Variants in RGS12 observed in about 807,000 individuals in gnomAD.
RGS12 encodes regulator of G protein signaling 12, also known as regulator of G-protein signaling 12.
Under a neutral mutation model 120.1 loss-of-function variants are expected in RGS12, and 66 were observed. The observed-to-expected ratio is 0.55, with a 90% CI of 0.45 to 0.67. The LOEUF is 0.67. Among genes scored for constraint, RGS12 ranks in the 30% least tolerant of loss-of-function variants. The pLI, the probability that RGS12 is intolerant of heterozygous loss-of-function variation, is 0.00. For missense variants in RGS12, 1,859 were observed against 1,957.7 expected (o/e 0.95, Z 0.95); for synonymous variants, 827 against 804.7 (o/e 1.03, Z -0.47).
At chr4:3,314,171 T>C (rs1724585118) in intron 1 of RGS12, 1 of 152,034 alleles carries the variant, frequency 6.6e-6, no homozygotes, top group Non-Finnish European at 1.5e-5. Context: ...TTTACTCTTT[T>C]CCATCAAAAC....
At chr4:3,338,995 T>A (rs1463191420) in intron 2 of RGS12, among the ~76,000 whole-genome samples, 1 of 152,228 alleles carries the variant, frequency 6.6e-6, no homozygotes, top group Non-Finnish European at 1.5e-5. Context: ...CATCTGTTAC[T>A]GGCCCTCGTT....
At chr4:3,286,634 C>A in the RGS12 span, among the ~76,000 whole-genome samples, 1 of 152,182 alleles carries the variant, frequency 6.6e-6, no homozygotes, top group African/African-American at 2.4e-5. Flanking sequence ...CAGGTGGATG[C>A]AGGGCGAGGG....
At chr4:3,325,054 T>C (rs1004405106) in intron 2 of RGS12, among the ~76,000 whole-genome samples, 1 of 152,086 alleles carries the variant, frequency 6.6e-6, no homozygotes, top group East Asian at 1.9e-4. Flanking sequence ...AAACTAGTTA[T>C]AAAAAAATCT....
chr4:3,288,213 T>G (rs1036558447), upstream of RGS12, among the ~76,000 whole-genome samples: 1 of 149,926 alleles, frequency 6.7e-6, no homozygotes, highest in Non-Finnish European at 1.5e-5. The surrounding 1 kb of genome is among the most constrained non-coding windows in gnomAD (Gnocchi z 5.2). Flanking sequence ...TGGGGTCTGG[T>G]GGGCGTGTGG....
At chr4:3,345,642 C>T (rs1713718898) in intron 3 of RGS12, among the ~76,000 whole-genome samples, 1 of 152,304 alleles carries the variant, frequency 6.6e-6, no homozygotes, top group East Asian at 1.9e-4. Flanking sequence ...CTGTTAAGTA[C>T]GGTTTTGTCT....
At chr4:3,359,826 T>C (rs1449938569) in intron 3 of RGS12, among the ~76,000 whole-genome samples, 2 of 152,060 alleles carry the variant, frequency 1.3e-5, no homozygotes, top group African/African-American at 2.4e-5. Flanking sequence ...TTTCGCCATG[T>C]TGGCCAGGCT....
At chr4:3,315,006 G>A (rs1449207226) in intron 1 of RGS12, 2 of 152,250 alleles carry the variant, frequency 1.3e-5, no homozygotes, top group Admixed American at 6.5e-5. Flanking sequence ...CACGAAGCAG[G>A]CAGAGGGTGC....
chr4:3,310,599 G>A (rs1319585133), intron 1 of RGS12, among the ~76,000 whole-genome samples: 1 of 152,176 alleles, frequency 6.6e-6, no homozygotes, highest in Non-Finnish European at 1.5e-5. Context: ...GGTGAATGAT[G>A]GGAGGTGGCT....
chr4:3,370,252 G>T, intron 3 of RGS12: 1 of 1,613,586 alleles, frequency 6.2e-7, no homozygotes, highest in Non-Finnish European at 8.5e-7. Flanking sequence ...TGCCTAGTGT[G>T]GCTCGGTGCC....
rs373370018 is a variant in RGS12 at position 3,390,437 on chromosome 4, C to T, written c.2020+4000C>T. On this transcript the variant is annotated intron_variant, in intron 4 of 17. Coordinates refer to ENST00000336727, the MANE Select transcript of RGS12 (RefSeq NM_001394154.1). This position sits in a 1 kb window ranked among gnomAD's most constrained non-coding sequence, Gnocchi z 4.6. ...GCAGACATCAGCCAGAGCGTCAGGG[C>T]GAGGCTTGGGCGGGGACAGTGGCTT... Among the ~76,000 whole-genome samples the T allele has an allele frequency of 6.6e-6, 1 of 152,198 alleles. No homozygotes were observed. Among genetic ancestry groups the T allele is most frequent in the African/African-American group, 2.4e-5 (1 of 41,450 alleles).
At chr4:3,368,528 C>T (rs1470003935) in intron 3 of RGS12, among the ~76,000 whole-genome samples, 5 of 69,508 alleles carry the variant, frequency 7.2e-5, no homozygotes, top group Middle Eastern at 0.036. Context: ...GTGTGGGGTA[C>T]GTGTGTGTGT....
chr4:3,292,680 A>C (rs1327529738), upstream of RGS12, among the ~76,000 whole-genome samples: 2 of 152,194 alleles, frequency 1.3e-5, no homozygotes, highest in Non-Finnish European at 2.9e-5. Flanking sequence ...CAGCGGAGGC[A>C]GAGAAAACCA....
At chr4:3,292,875 CTCGCCCCGCCCCGTGCCCCGCCCCCGCA>C (rs1166100105), upstream of RGS12, among the ~76,000 whole-genome samples, 11 of 151,630 alleles carry the variant, frequency 7.3e-5, no homozygotes, top group South Asian at 4.1e-4. Flanking sequence ...CGCGAAGGCC[CTCGCCCCGCCCCGTGCCCCGCCCCCGCA>C]TCGCCCCGCC....
intron 1 of RGS12, among the ~76,000 whole-genome samples, chr4:3,297,043 T>A (rs1054009294): frequency 6.6e-6 from 1 of 152,242 alleles, no homozygotes; most frequent in African/African-American, 2.4e-5. Context: ...CAAGGAACTC[T>A]TGTGTTAGAA....
chr4:3,323,182 TG>T (rs1725318250), intron 2 of RGS12, among the ~76,000 whole-genome samples: 1 of 152,214 alleles, frequency 6.6e-6, no homozygotes, highest in African/African-American at 2.4e-5. Context: ...AGCACCAGGC[TG>T]GGGGGCCTCT....
chr4:3,286,279 C>T, the RGS12 span, among the ~76,000 whole-genome samples: 3 of 152,282 alleles, frequency 2.0e-5, no homozygotes, highest in East Asian at 1.9e-4. Flanking sequence ...TGGTTTCTTT[C>T]GACACACTGA....
At chr4:3,399,979 C>T (rs1004076642) in intron 4 of RGS12, among the ~76,000 whole-genome samples, 1 of 152,234 alleles carries the variant, frequency 6.6e-6, no homozygotes, top group African/African-American at 2.4e-5. Flanking sequence ...TCATGGCTCT[C>T]AGCCATACTG....
At chr4:3,342,352 T>C (rs1713319992) in intron 2 of RGS12, 1 of 1,171,708 alleles carries the variant, frequency 8.5e-7, no homozygotes. Flanking sequence ...ACATAGATGT[T>C]TGTCGAATTG....
intron 2 of RGS12, among the ~76,000 whole-genome samples, chr4:3,322,657 T>G (rs370109583): frequency 3.9e-5 from 6 of 152,172 alleles, no homozygotes; most frequent in African/African-American, 9.7e-5. Flanking sequence ...TTCCATACAA[T>G]GGATTTTGGA....
Sources: gnomAD v4.1 joint callset for allele counts (sites outside exome capture counted in the v4.1 genomes callset) on GRCh38, gnomAD v4.1.1 for gene constraint, Gnocchi (gnomAD v3.1) non-coding constraint, MANE v1.5 for transcripts, NCBI Gene and HGNC (gene_info 2026-07-23, HGNC 2026-07-21) for gene names.